The following SGCD variants were observed in gnomAD, a reference collection of about 807,000 sequenced individuals.
SGCD encodes the protein sarcoglycan delta, also known as delta-sarcoglycan.
A neutral mutation model predicts 36.6 loss-of-function variants in SGCD; 18 were observed. The ratio of observed to expected loss-of-function variants is 0.49; its 90% CI spans 0.34 to 0.73. The LOEUF (loss-of-function observed/expected upper bound fraction) is 0.73, where lower values mean the gene tolerates loss of function less well. Ranked by LOEUF, SGCD falls within the 30% of genes least tolerant of loss-of-function variation. SGCD has a pLI of 0.01. For missense variants in SGCD, 387 were observed against 346.7 expected (o/e 1.12, Z -0.92); for synonymous variants, 133 against 130.6 (o/e 1.02, Z -0.12).
intron 6 of SGCD, among the ~76,000 whole-genome samples, chr5:156,618,693 C>T (rs1296543803): frequency 2.0e-5 from 3 of 151,632 alleles, no homozygotes; most frequent in Admixed American, 6.6e-5. Context: ...GCATAAGCTA[C>T]AGTGGTTCGG....
chr5:155,936,786 A>G (rs1757212340), intron 1 of SGCD, among the ~76,000 whole-genome samples: 2 of 152,192 alleles, frequency 1.3e-5, no homozygotes, highest in African/African-American at 4.8e-5. Flanking sequence ...TGTTCCGTAC[A>G]GCCCAGGCTG....
intron 1 of SGCD, among the ~76,000 whole-genome samples, chr5:156,111,768 G>C (rs75624310): frequency 0.02 from 3,063 of 149,682 alleles, 44 homozygotes; most frequent in Non-Finnish European, 0.034. Flanking sequence ...TAAAAGCAGT[G>C]ATAGAGGTGT....
chr5:155,962,774 A>G (rs1220573353), intron 1 of SGCD, among the ~76,000 whole-genome samples: 1 of 152,098 alleles, frequency 6.6e-6, no homozygotes, highest in Non-Finnish European at 1.5e-5. Context: ...CATAAAAGGA[A>G]CAGAAAATGT....
chr5:155,917,966 A>G (rs1397704160), intron 1 of SGCD, among the ~76,000 whole-genome samples: 1 of 152,126 alleles, frequency 6.6e-6, no homozygotes, highest in Non-Finnish European at 1.5e-5. Flanking sequence ...TAGGAACAGC[A>G]TATGTTTGTG....
the SGCD span, among the ~76,000 whole-genome samples, chr5:155,777,046 T>C: frequency 4.6e-5 from 7 of 152,268 alleles, no homozygotes; most frequent in South Asian, 6.2e-4. Flanking sequence ...ATCTGAAGTG[T>C]TGCTGTTGGA....
the SGCD span, among the ~76,000 whole-genome samples, chr5:155,790,434 A>T: frequency 2.0e-5 from 3 of 152,194 alleles, no homozygotes; most frequent in South Asian, 2.1e-4. Context: ...CAATGACCAG[A>T]TCTATAATTG....
chr5:156,691,033 C>G (rs1357542475), intron 7 of SGCD, among the ~76,000 whole-genome samples: 3 of 151,506 alleles, frequency 2.0e-5, no homozygotes, highest in Non-Finnish European at 2.9e-5. Flanking sequence ...ATGGTGAAAC[C>G]CTGTCTCTAC....
chr5:156,601,678 T>C (rs1403775780), intron 6 of SGCD, among the ~76,000 whole-genome samples: 4 of 152,124 alleles, frequency 2.6e-5, no homozygotes, highest in Non-Finnish European at 5.9e-5. Context: ...CATTGGGTTT[T>C]TTTGTTTGGT....
rs1760319671 is a variant in SGCD at position 156,065,448 on chromosome 5, A to G, written c.-281-52430A>G. ...GTGGAGAGTTCTGTAGATGTCTATT[A>G]GGTCTGCTTGGTGCAGAGCTGAGTT... On this transcript the variant is annotated intron_variant, in intron 1 of 9. Transcript: ENST00000517913. 7.5e-5 allele frequency among the ~76,000 whole-genome samples: 9 copies of G among 120,106 alleles called. No individual in the cohort carries two copies. The South Asian group carries it at 2.0e-3, about 27-fold the overall frequency. The allele number at this position is 120,106 out of a possible 152,430, so 78.8% of individuals were successfully genotyped here.
At chr5:156,152,894 TC>T (rs201796532) in intron 3 of SGCD, among the ~76,000 whole-genome samples, 1,968 of 151,770 alleles carry the variant, frequency 0.013, 84 homozygotes, top group African/African-American at 0.035. Context: ...CTGCTTCTTT[TC>T]TTCTATTCAC....
chr5:156,056,897 G>A (rs78761615), intron 1 of SGCD, among the ~76,000 whole-genome samples: 10,347 of 145,712 alleles, frequency 0.071, 1,632 homozygotes, highest in African/African-American at 0.23. Flanking sequence ...TGTGGCAAGC[G>A]ATGACTGATA....
At chr5:156,111,862 T>G (rs781756455) in intron 1 of SGCD, among the ~76,000 whole-genome samples, 6 of 151,600 alleles carry the variant, frequency 4.0e-5, no homozygotes, top group Non-Finnish European at 8.8e-5. Flanking sequence ...CACTGCAACC[T>G]CCGCCTCCTA....
the SGCD span, among the ~76,000 whole-genome samples, chr5:155,830,208 G>T: frequency 6.6e-6 from 1 of 152,154 alleles, no homozygotes; most frequent in Non-Finnish European, 1.5e-5. Context: ...TTTTCTTACT[G>T]TGTTGGAGTC....
At position 156,344,536 on chromosome 5, in the gene SGCD, T is replaced by C. The variant is rs2127716489; in HGVS notation, c.51T>C (p.Ser17=). 1 of 1,610,826 alleles carries C rather than the reference T, an allele frequency of 6.2e-7. No homozygotes were observed. The highest frequency in any genetic ancestry group is 8.5e-7 in the Non-Finnish European group (1 of 1,178,474). Residue 17 remains serine (S), a synonymous_variant, in exon 3 of 9, where the codon TCT becomes TCC. Coordinates refer to ENST00000337851, the MANE Select transcript of SGCD (RefSeq NM_000337.6). Reference sequence around the variant, plus strand: ...ACCACCGGAGCACCATGCCTGGCTCTGTGGGGCCACAGGTATACAAGGTGG... The same window carrying C: ...ACCACCGGAGCACCATGCCTGGCTCCGTGGGGCCACAGGTATACAAGGTGG... ...YTHHRSTMPG[S]VGPQVYKVGI...
chr5:155,990,007 A>G (rs1244450853), intron 1 of SGCD, among the ~76,000 whole-genome samples: 2 of 152,172 alleles, frequency 1.3e-5, no homozygotes, highest in African/African-American at 4.8e-5. Flanking sequence ...CTTCCAAACC[A>G]ATTACTCAGG....
At chr5:156,213,939 T>C (rs745525236) in intron 3 of SGCD, among the ~76,000 whole-genome samples, 31 of 151,966 alleles carry the variant, frequency 2.0e-4, no homozygotes, top group Non-Finnish European at 3.2e-4. Flanking sequence ...AAATTAGGTA[T>C]AGAAGGAATG....
At chr5:156,486,354 C>T (rs1304345118) in intron 3 of SGCD, among the ~76,000 whole-genome samples, 1 of 151,950 alleles carries the variant, frequency 6.6e-6, no homozygotes, top group African/African-American at 2.4e-5. Context: ...GTGGGCACTT[C>T]CAAAAACATC....
At chr5:155,929,201 T>G (rs1377267246) in intron 1 of SGCD, among the ~76,000 whole-genome samples, 13 of 152,196 alleles carry the variant, frequency 8.5e-5, no homozygotes, top group Non-Finnish European at 1.5e-5. Flanking sequence ...AATACTGATC[T>G]AAAGTCTGAC....
intron 3 of SGCD, among the ~76,000 whole-genome samples, chr5:156,290,342 T>C (rs951834770): frequency 2.0e-5 from 3 of 152,176 alleles, no homozygotes; most frequent in Non-Finnish European, 2.9e-5. Context: ...CAGTGGTCAT[T>C]ATGTTCATAA....
Sources: gnomAD v4.1 joint callset for allele counts (sites outside exome capture counted in the v4.1 genomes callset) on GRCh38, gnomAD v4.1.1 for gene constraint, MANE v1.5 for transcripts, NCBI Gene and HGNC (gene_info 2026-07-23, HGNC 2026-07-21) for gene names.